ABTB2: variants seen among roughly 807,000 people sequenced by gnomAD.
The protein encoded by ABTB2 is ankyrin repeat and BTB domain containing 2, also known as ankyrin repeat and BTB/POZ domain-containing protein 2.
A neutral mutation model predicts 104.1 loss-of-function variants in ABTB2; 56 were observed. That is an observed-to-expected ratio of 0.54 (90% CI 0.43 to 0.67). The LOEUF (loss-of-function observed/expected upper bound fraction) is 0.67, where lower values mean the gene tolerates loss of function less well. Among genes scored for constraint, ABTB2 ranks in the 30% least tolerant of loss-of-function variants. The pLI, the probability that ABTB2 is intolerant of heterozygous loss-of-function variation, is 0.00. For missense variants in ABTB2, 1,279 were observed against 1,407.7 expected, an observed-to-expected ratio of 0.91 and a Z score of 1.46; for synonymous variants, 606 against 608.2, an observed-to-expected ratio of 1.00 and a Z score of 0.05.
chr11:34,295,094 G>A (rs1854605571), intron 1 of ABTB2, among the ~76,000 whole-genome samples: 1 of 152,154 alleles, frequency 6.6e-6, no homozygotes, highest in Non-Finnish European at 1.5e-5. Context: ...TGAGATGGGA[G>A]AATCACTTGA....
intron 1 of ABTB2, among the ~76,000 whole-genome samples, chr11:34,326,672 G>C (rs1039875977): frequency 1.3e-5 from 2 of 151,450 alleles, no homozygotes; most frequent in Non-Finnish European, 2.9e-5. Context: ...GGCAGGAAAG[G>C]AGAAAGGGAG....
At chr11:34,317,574 A>G (rs1854949315) in intron 1 of ABTB2, among the ~76,000 whole-genome samples, 1 of 152,024 alleles carries the variant, frequency 6.6e-6, no homozygotes. Context: ...GGAGTTCAAG[A>G]CCAGCCTAGG....
chr11:34,217,713 C>T (rs568588219), intron 1 of ABTB2, among the ~76,000 whole-genome samples: 29 of 152,288 alleles, frequency 1.9e-4, no homozygotes, highest in African/African-American at 4.8e-4. Context: ...CTGCCTGCCG[C>T]GGCCTCCCAA....
intron 3 of ABTB2, among the ~76,000 whole-genome samples, chr11:34,182,845 G>A (rs1379978192): frequency 3.3e-5 from 5 of 152,156 alleles, no homozygotes; most frequent in Non-Finnish European, 7.3e-5. Flanking sequence ...GCTGCCTGAT[G>A]TAGCAGGTAC....
chr11:34,195,823 G>A (rs1193971494), intron 3 of ABTB2, among the ~76,000 whole-genome samples: 1 of 152,198 alleles, frequency 6.6e-6, no homozygotes, highest in Non-Finnish European at 1.5e-5. Flanking sequence ...GTTTTCTGGG[G>A]CACTGAGGAA....
chr11:34,259,995 G>T (rs1854169899), intron 1 of ABTB2, among the ~76,000 whole-genome samples: 1 of 152,090 alleles, frequency 6.6e-6, no homozygotes, highest in South Asian at 2.1e-4. Context: ...TTTTTCTAGA[G>T]GTGGGGTTTT....
At chr11:34,222,143 A>G (rs1853632691) in intron 1 of ABTB2, among the ~76,000 whole-genome samples, 1 of 152,214 alleles carries the variant, frequency 6.6e-6, no homozygotes, top group Admixed American at 6.5e-5. Context: ...GGTTATAGGT[A>G]GATTTAAAAA....
intron 3 of ABTB2, among the ~76,000 whole-genome samples, chr11:34,181,599 AC>A (rs1305340212): frequency 6.6e-6 from 1 of 152,160 alleles, no homozygotes; most frequent in Non-Finnish European, 1.5e-5. Context: ...CCCTGGACAC[AC>A]CCACAAGCTA....
Position 34,332,433 on chromosome 11 carries a change from G to A in ABTB2, c.883+24268C>T, listed in dbSNP as rs533166275. ...ACGCAAAATTATTCCCTCCGAAAAT[G>A]TAACCCCCACACTCACACTCAGGGT... On this transcript the variant is annotated intron_variant, in intron 1 of 16. Coordinates refer to ENST00000435224, the MANE Select transcript of ABTB2 (RefSeq NM_145804.3). 2.0e-5 allele frequency among the ~76,000 whole-genome samples: 3 copies of A among 152,282 alleles called. No individual in the cohort carries two copies. In the South Asian group the frequency reaches 6.2e-4, roughly 32 times the overall value.
chr11:34,350,450 G>GCCCTCCC (rs1413816656), intron 1 of ABTB2, among the ~76,000 whole-genome samples: 4 of 152,196 alleles, frequency 2.6e-5, no homozygotes, highest in African/African-American at 9.7e-5. Context: ...TCACCAGCAG[G>GCCCTCCC]TGACACTTAT....
intron 1 of ABTB2, among the ~76,000 whole-genome samples, chr11:34,260,297 G>A (rs985325677): frequency 1.3e-5 from 2 of 152,198 alleles, no homozygotes; most frequent in Non-Finnish European, 2.9e-5. Flanking sequence ...ACAGGGAGAA[G>A]CAAGCTGAAT....
intron 3 of ABTB2, among the ~76,000 whole-genome samples, chr11:34,191,659 T>C (rs955739717): frequency 5.3e-5 from 8 of 152,164 alleles, no homozygotes; most frequent in Non-Finnish European, 1.2e-4. Context: ...GCTGCCCTTA[T>C]TCTTAGAAGG....
chr11:34,320,161 T>G (rs1436909758), intron 1 of ABTB2, among the ~76,000 whole-genome samples: 1 of 152,252 alleles, frequency 6.6e-6, no homozygotes, highest in Non-Finnish European at 1.5e-5. Flanking sequence ...TTTTTATTCT[T>G]AACACACAGC....
intron 14 of ABTB2, among the ~76,000 whole-genome samples, chr11:34,157,669 C>T (rs1852648972): frequency 6.6e-6 from 1 of 152,228 alleles, no homozygotes; most frequent in East Asian, 1.9e-4. Context: ...GGAGACGCCA[C>T]CTGGCTTATG....
In ABTB2 at chr11:34,240,395, A is replaced by G. The variant is rs989803200; in HGVS notation, c.884-35705T>C. Among the ~76,000 whole-genome samples the G allele has an allele frequency of 2.1e-4, 32 of 152,198 alleles. 1 individual carries two copies. The highest frequency in any genetic ancestry group is 6.5e-5 in the Admixed American group (1 of 15,284). ...CACTGCACAAGCTATGGCTTCACTCACTGAGTGGGGCCCCCAAGAAACGGC... is the reference window on the plus strand; with the variant it reads ...CACTGCACAAGCTATGGCTTCACTCGCTGAGTGGGGCCCCCAAGAAACGGC... On this transcript the variant is annotated intron_variant, in intron 1 of 16. Coordinates refer to ENST00000435224, the MANE Select transcript of ABTB2 (RefSeq NM_145804.3).
At chr11:34,290,432 G>C (rs188710742) in intron 1 of ABTB2, among the ~76,000 whole-genome samples, 1 of 152,198 alleles carries the variant, frequency 6.6e-6, no homozygotes, top group Non-Finnish European at 1.5e-5. Flanking sequence ...TAAATGTGTG[G>C]TTCTTCTCTG....
chr11:34,231,061 G>A (rs1565147066), intron 1 of ABTB2, among the ~76,000 whole-genome samples: 2 of 152,062 alleles, frequency 1.3e-5, no homozygotes, highest in Non-Finnish European at 1.5e-5. Flanking sequence ...GAGCTCCTTC[G>A]AGAAATTGAC....
chr11:34,304,456 T>G (rs1382466140), intron 1 of ABTB2, among the ~76,000 whole-genome samples: 47 of 152,202 alleles, frequency 3.1e-4, no homozygotes, highest in Non-Finnish European at 1.5e-5. Flanking sequence ...CACAAGTGCT[T>G]CCTACAAATG....
At chr11:34,179,531 T>C (rs185268958) in intron 3 of ABTB2, among the ~76,000 whole-genome samples, 1 of 152,332 alleles carries the variant, frequency 6.6e-6, no homozygotes, top group East Asian at 1.9e-4. Context: ...ATGGCTTGCA[T>C]GCATGCTCCT....
Sources: allele counts gnomAD v4.1 joint callset (sites outside exome capture counted in the v4.1 genomes callset), GRCh38; gene constraint gnomAD v4.1.1; transcripts MANE v1.5; gene names NCBI Gene and HGNC (gene_info 2026-07-23, HGNC 2026-07-21).